Variants in ERVH48-1 observed in about 807,000 individuals in gnomAD.
ERVH48-1 encodes endogenous retrovirus group 48 member 1, envelope, also known as suppressyn.
Under a neutral mutation model 2.4 loss-of-function variants are expected in ERVH48-1, and 4 were observed. That is an observed-to-expected ratio of 1.68 (90% CI 0.83 to 3.84). The LOEUF is 3.84. Among genes scored for constraint, ERVH48-1 ranks in the 30% most tolerant of loss-of-function variants. The pLI, the probability that ERVH48-1 is intolerant of heterozygous loss-of-function variation, is 0.01. For missense variants in ERVH48-1, 97 were observed against 43.4 expected (o/e 2.23, Z -3.47); for synonymous variants, 32 against 15.5 (o/e 2.06, Z -2.49).
At chr21:42,920,365 T>C (rs532670452) in intron 1 of ERVH48-1, among the ~76,000 whole-genome samples, 1 of 152,240 alleles carries the variant, frequency 6.6e-6, no homozygotes, top group East Asian at 1.9e-4. Context: ...TTCTGGCCAA[T>C]ATAGGATTGT....
rs2058795055 is a variant in ERVH48-1, at chr21:42,918,367, C to T, written c.*157G>A. 2.8e-6 allele frequency: 1 copy of T among 360,476 alleles called. No individual in the cohort carries two copies. The highest frequency in any genetic ancestry group is 2.1e-5 in the African/African-American group (1 of 46,768). The allele number at this position is 360,476 out of a possible 1,614,324, so 22.3% of individuals were successfully genotyped here. A position where few individuals can be genotyped will look rare whatever the true frequency, so the allele number is the denominator to read the frequency against. On this transcript the variant is annotated 3_prime_UTR_variant, in exon 2 of 2. Transcript: ENST00000447535. ...AAGTGAGTCTGGGGTTTTGGGATGC[C>T]TGTAAGTAAGGGGGAATGTCTATCC...
intron 1 of ERVH48-1, among the ~76,000 whole-genome samples, chr21:42,922,468 C>T (rs1024408294): frequency 6.6e-6 from 1 of 151,660 alleles, no homozygotes; most frequent in African/African-American, 2.4e-5. Flanking sequence ...AGGCCGGGCG[C>T]GGTGGCTCAA....
intron 1 of ERVH48-1, among the ~76,000 whole-genome samples, chr21:42,922,108 A>C (rs926132443): frequency 6.6e-6 from 1 of 152,030 alleles, no homozygotes; most frequent in Non-Finnish European, 1.5e-5. Context: ...GAGAAATGAT[A>C]AGCTATAGGC....
At position 42,924,600 on chromosome 21, in the gene ERVH48-1, G is replaced by A. The variant is rs1004578791; in HGVS notation, c.-286+746C>T. Among the ~76,000 whole-genome samples the A allele has an allele frequency of 8.5e-5, 13 of 152,314 alleles. 1 individual carries two copies. The highest frequency in any genetic ancestry group is 3.1e-4 in the African/African-American group (13 of 41,574). On this transcript the variant is annotated intron_variant, in intron 1 of 1. Transcript: ENST00000447535. ...GTCAGTTAAAATTGTAAAGTCGTAT[G>A]TTCCATTTGTGGCCCATTTGGACCC...
rs751513134 is a variant in ERVH48-1, at chr21:42,918,538, T to C, written c.469A>G (p.Ile157Val). ...ENRPRHFHSF[I>V]QKL Reference sequence around the variant, plus strand: ...GATGCATCTGCTTATAGTTTTTGTATAAAGGAATGGAAATGCCGCGGGCGA... The same window carrying C: ...GATGCATCTGCTTATAGTTTTTGTACAAAGGAATGGAAATGCCGCGGGCGA... Residue 157 changes from isoleucine to valine, a missense_variant, in exon 2 of 2, where the codon ATA becomes GTA. Coordinates refer to ENST00000447535, the MANE Select transcript of ERVH48-1 (RefSeq NM_001308491.2). 5.7e-5 allele frequency: 26 copies of C among 455,736 alleles called. No homozygotes were observed. The East Asian group carries it at 1.7e-3, about 29-fold the overall frequency. 28.2% of individuals were successfully genotyped at this position (455,736 alleles called of 1,614,324 possible).
chr21:42,922,957 G>C (rs2058810884), intron 1 of ERVH48-1, among the ~76,000 whole-genome samples: 1 of 152,192 alleles, frequency 6.6e-6, no homozygotes, highest in Non-Finnish European at 1.5e-5. Flanking sequence ...GCCATTATCA[G>C]GGTTACCCTT....
chr21:42,923,099 C>T (rs1419506218), intron 1 of ERVH48-1, among the ~76,000 whole-genome samples: 6 of 152,134 alleles, frequency 3.9e-5, no homozygotes, highest in Non-Finnish European at 7.4e-5. Context: ...TTGCAGGGGC[C>T]GCTCACAGTC....
intron 1 of ERVH48-1, among the ~76,000 whole-genome samples, chr21:42,920,098 G>A (rs1424075046): frequency 6.7e-6 from 1 of 149,598 alleles, no homozygotes. Flanking sequence ...ATGAGGATAG[G>A]GCAGAGACGT....
In ERVH48-1 at chr21:42,916,828, C is replaced by G. The variant is rs1340610736; in HGVS notation, c.*1696G>C. On this transcript the variant is annotated 3_prime_UTR_variant, in exon 2 of 2. Transcript: ENST00000447535. ...TGGAGCAACATGCTGTTTTAATGAG[C>G]GCCTGCATGCAGACAGGCTGAGGCC... is the stretch of plus-strand genomic sequence containing the variant. 1 of 186,428 alleles carries G rather than the reference C, an allele frequency of 5.4e-6. No homozygotes were observed. 11.5% of individuals were successfully genotyped at this position (186,428 alleles called of 1,614,324 possible).
intron 1 of ERVH48-1, among the ~76,000 whole-genome samples, chr21:42,922,130 G>C (rs960588346): frequency 2.0e-5 from 3 of 152,132 alleles, no homozygotes; most frequent in Non-Finnish European, 4.4e-5. Flanking sequence ...TACAAGAGCT[G>C]CTTAGGGGAT....
intron 1 of ERVH48-1, among the ~76,000 whole-genome samples, chr21:42,921,609 C>T (rs1043240554): frequency 6.6e-6 from 1 of 152,002 alleles, no homozygotes. Flanking sequence ...TTGAGAGGGG[C>T]TACCCAGGAG....
At chr21:42,922,829 A>G (rs1488604404) in intron 1 of ERVH48-1, among the ~76,000 whole-genome samples, 1 of 151,810 alleles carries the variant, frequency 6.6e-6, no homozygotes, top group Non-Finnish European at 1.5e-5. Context: ...TTTGGAGACC[A>G]TCAGTTGTCC....
intron 1 of ERVH48-1, among the ~76,000 whole-genome samples, chr21:42,923,394 T>A (rs2058812689): frequency 6.6e-6 from 1 of 152,184 alleles, no homozygotes; most frequent in South Asian, 2.1e-4. Context: ...TTGTGGGGTT[T>A]GAGGGCCATC....
chr21:42,921,810 G>GCTGTCTC (rs1412175140), intron 1 of ERVH48-1, among the ~76,000 whole-genome samples: 24 of 152,122 alleles, frequency 1.6e-4, no homozygotes, highest in South Asian at 2.1e-4. Context: ...AAAGGTGGGT[G>GCTGTCTC]TTGGGGTCTT....
chr21:42,922,348 G>A (rs927314122), intron 1 of ERVH48-1, among the ~76,000 whole-genome samples: 13 of 152,022 alleles, frequency 8.6e-5, no homozygotes, highest in African/African-American at 3.1e-4. Flanking sequence ...GGGTGGATGC[G>A]TTGGGTACTA....
intron 1 of ERVH48-1, among the ~76,000 whole-genome samples, chr21:42,924,696 C>T (rs1449921541): frequency 1.3e-5 from 2 of 152,128 alleles, no homozygotes; most frequent in African/African-American, 4.8e-5. Context: ...GATATCTCGC[C>T]TGAGGTCTAA....
chr21:42,923,800 T>G (rs1322159500), intron 1 of ERVH48-1, among the ~76,000 whole-genome samples: 1 of 152,180 alleles, frequency 6.6e-6, no homozygotes, highest in Admixed American at 6.5e-5. Flanking sequence ...ACGGTCCCAG[T>G]CTTCTGGGGT....
intron 1 of ERVH48-1, among the ~76,000 whole-genome samples, chr21:42,921,851 CAG>C (rs2058807043): frequency 6.6e-6 from 1 of 151,770 alleles, no homozygotes; most frequent in Non-Finnish European, 1.5e-5. Flanking sequence ...TCTTGAGAAT[CAG>C]GGTGCAAATG....
chr21:42,920,341 A>G (rs1468229848), intron 1 of ERVH48-1, among the ~76,000 whole-genome samples: 1 of 152,194 alleles, frequency 6.6e-6, no homozygotes, highest in Admixed American at 6.5e-5. Flanking sequence ...TGGCTACTCT[A>G]TCTGCTAAAG....
Sources: allele counts gnomAD v4.1 joint callset (sites outside exome capture counted in the v4.1 genomes callset), GRCh38; gene constraint gnomAD v4.1.1; transcripts MANE v1.5; gene names NCBI Gene and HGNC (gene_info 2026-07-23, HGNC 2026-07-21).